Variants in FAAH2 observed in about 807,000 individuals in gnomAD.
The protein encoded by FAAH2 is fatty-acid amide hydrolase 2.
A neutral mutation model predicts 36.9 loss-of-function variants in FAAH2; 60 were observed. The ratio of observed to expected loss-of-function variants is 1.63; its 90% confidence interval spans 1.32 to 2.02. FAAH2 has a LOEUF of 2.02. Among genes scored for constraint, FAAH2 ranks in the 30% most tolerant of loss-of-function variants. The pLI is 0.00. For missense variants in FAAH2, 689 were observed against 397.5 expected (o/e 1.73, Z -6.23); for synonymous variants, 214 against 143.8 (o/e 1.49, Z -3.49).
intron 7 of FAAH2, among the ~76,000 whole-genome samples, chrX:57,390,491 C>A (rs370956155): frequency 5.9e-4 from 66 of 111,059 alleles, no homozygotes; most frequent in African/African-American, 1.7e-3. Context: ...TACCTCCCAC[C>A]CTTCCATATT....
At chrX:57,409,179 A>G (rs2055638748) in intron 7 of FAAH2, among the ~76,000 whole-genome samples, 1 of 111,746 alleles carries the variant, frequency 8.9e-6, no homozygotes, top group South Asian at 3.7e-4. Context: ...CATCATAAAT[A>G]TGGTTCATTA....
intron 3 of FAAH2, among the ~76,000 whole-genome samples, chrX:57,330,906 T>C (rs2053385206): frequency 9.1e-6 from 1 of 110,072 alleles, no homozygotes; most frequent in Non-Finnish European, 1.9e-5. Context: ...TCAGGAATTG[T>C]GATGCAGGGC....
At chrX:57,148,973 T>G in the FAAH2 span, among the ~76,000 whole-genome samples, 3 of 111,514 alleles carry the variant, frequency 2.7e-5, no homozygotes, top group Admixed American at 2.9e-4. Flanking sequence ...CATGAAGAGG[T>G]GTTGAATTTT....
chrX:57,211,465 G>A, the FAAH2 span, among the ~76,000 whole-genome samples: 1 of 111,757 alleles, frequency 8.9e-6, no homozygotes, highest in East Asian at 2.8e-4. Context: ...CTTGGAGGCA[G>A]AGCATGGAAC....
At chrX:57,158,432 C>T in the FAAH2 span, among the ~76,000 whole-genome samples, 1 of 112,042 alleles carries the variant, frequency 8.9e-6, no homozygotes, top group Non-Finnish European at 1.9e-5. Flanking sequence ...CACTGACTTC[C>T]ACAATGGTTG....
chrX:57,435,791 C>T (rs1182038064), intron 8 of FAAH2, among the ~76,000 whole-genome samples: 1 of 110,792 alleles, frequency 9.0e-6, no homozygotes, highest in African/African-American at 3.3e-5. Context: ...ATCATTAAGA[C>T]GGGAAATCAA....
At position 57,393,562 on chromosome X, in the gene FAAH2, C is replaced by G. The variant is rs2055218836; in HGVS notation, c.996+12533C>G. On this transcript the variant is annotated intron_variant, in intron 7 of 10. Coordinates refer to ENST00000374900, the MANE Select transcript of FAAH2 (RefSeq NM_174912.4). ...CTGCATGGACAAACACTGGAGTGCC[C>G]TCCAATCTCTGCATGAGATTGGGCT... 9.6e-6 allele frequency: 9 copies of G among 940,729 alleles called. No homozygotes were observed. The East Asian group carries it at 2.8e-4, about 29-fold the overall frequency. 77.5% of individuals were successfully genotyped at this position (940,729 alleles called of 1,213,427 possible). A position where few individuals can be genotyped will look rare whatever the true frequency, so the allele number is the denominator to read the frequency against.
chrX:57,173,665 T>A, the FAAH2 span, among the ~76,000 whole-genome samples: 5 of 111,952 alleles, frequency 4.5e-5, no homozygotes, highest in Admixed American at 2.9e-4. Context: ...AGGGGGAACG[T>A]TTACAACTTT....
intron 10 of FAAH2, among the ~76,000 whole-genome samples, chrX:57,463,283 C>G (rs890946383): frequency 9.0e-6 from 1 of 111,061 alleles, no homozygotes; most frequent in African/African-American, 3.3e-5. Context: ...ATTAGTGACT[C>G]TCTTCACAGA....
At chrX:57,328,084 T>C (rs2053273890) in intron 3 of FAAH2, among the ~76,000 whole-genome samples, 1 of 112,291 alleles carries the variant, frequency 8.9e-6, no homozygotes, top group African/African-American at 3.2e-5. Context: ...GCAGGTCTGT[T>C]GGAGTTTGCT....
At chrX:57,241,591 G>C in the FAAH2 span, among the ~76,000 whole-genome samples, 5 of 111,320 alleles carry the variant, frequency 4.5e-5, no homozygotes, top group Admixed American at 9.5e-5. Context: ...GTGGTTTCTG[G>C]TTACATGTAT....
At chrX:57,251,857 G>T in the FAAH2 span, among the ~76,000 whole-genome samples, 1 of 111,868 alleles carries the variant, frequency 8.9e-6, no homozygotes, top group African/African-American at 3.2e-5. Context: ...GAGAGTGGGT[G>T]CAGCCCATGG....
intron 10 of FAAH2, among the ~76,000 whole-genome samples, chrX:57,472,694 T>C (rs2147253473): frequency 9.0e-6 from 1 of 111,420 alleles, no homozygotes; most frequent in African/African-American, 3.3e-5. Context: ...ACTAGATTTT[T>C]TTTTTTACTT....
chrX:57,226,276 T>C, the FAAH2 span, among the ~76,000 whole-genome samples: 1 of 112,201 alleles, frequency 8.9e-6, no homozygotes, highest in South Asian at 3.7e-4. Flanking sequence ...AGATTCTGTT[T>C]TGATGTGTTT....
At chrX:57,199,378 G>GT in the FAAH2 span, among the ~76,000 whole-genome samples, 3 of 110,487 alleles carry the variant, frequency 2.7e-5, no homozygotes, top group Non-Finnish European at 5.7e-5. Context: ...TAATTTCTGT[G>GT]TATTTGTACA....
rs762998388 is a variant in FAAH2, at chrX:57,394,938, C to A, written c.996+13909C>A. 9 of 616,492 alleles carry A rather than the reference C, an allele frequency of 1.5e-5. No individual in the cohort carries two copies. The East Asian group carries it at 2.6e-4, about 18-fold the overall frequency. The allele number at this position is 616,492 out of a possible 1,213,427, so 50.8% of individuals were successfully genotyped here. A position where few individuals can be genotyped will look rare whatever the true frequency, so the allele number is the denominator to read the frequency against. On this transcript the variant is annotated intron_variant, in intron 7 of 10. Transcript: ENST00000374900. ...ACAGCATGCCTTCTGGCAATCTGCA[C>A]CCCTGTCTCTTTCATGAGTTCCAAG...
chrX:57,189,224 TTTTGGC>T, the FAAH2 span, among the ~76,000 whole-genome samples: 1 of 110,919 alleles, frequency 9.0e-6, no homozygotes, highest in Non-Finnish European at 1.9e-5. Flanking sequence ...GTGCTGTGTT[TTTTGGC>T]TCCATCAGGT....
At chrX:57,346,585 C>T (rs1001560706) in intron 5 of FAAH2, among the ~76,000 whole-genome samples, 1 of 111,730 alleles carries the variant, frequency 9.0e-6, no homozygotes, top group Non-Finnish European at 1.9e-5. Flanking sequence ...CATTTACATT[C>T]AGGGTCAGTA....
chrX:57,393,164 G>T lies in FAAH2; in HGVS notation c.996+12135G>T, dbSNP rs942131492. 1.8e-4 allele frequency: 205 copies of T among 1,140,246 alleles called. 1 individual carries two copies. The highest frequency in any genetic ancestry group is 1.9e-4 in the Non-Finnish European group (160 of 832,061). The allele number at this position is 1,140,246 out of a possible 1,213,427, so 94.0% of individuals were successfully genotyped here. On this transcript the variant is annotated intron_variant, in intron 7 of 10. Transcript: ENST00000374900. The stretch of plus-strand genomic sequence containing the variant: ...GAGGTCCAGCTCAGTCTCTGTATCT[G>T]TCTTGAATGCATTCACGGCCACTAC...
Sources: gnomAD v4.1 joint callset for allele counts (sites outside exome capture counted in the v4.1 genomes callset) on GRCh38, gnomAD v4.1.1 for gene constraint, MANE v1.5 for transcripts, NCBI Gene and HGNC (gene_info 2026-07-23, HGNC 2026-07-21) for gene names.